Variants in CAT observed in about 807,000 individuals in gnomAD.
CAT encodes catalase, also known as epididymis secretory sperm binding protein.
CAT carries 43 observed loss-of-function variants against 59.0 expected under a neutral mutation model. The observed-to-expected ratio is 0.73, with a 90% CI of 0.57 to 0.94. The LOEUF (loss-of-function observed/expected upper bound fraction) is 0.94, where lower values mean the gene tolerates loss of function less well. CAT is among the 40% of genes least tolerant of loss of function. CAT has a pLI of 0.00. For missense variants in CAT, 664 were observed against 682.9 expected, an observed-to-expected ratio of 0.97 and a Z score of 0.31; for synonymous variants, 218 against 230.9, an observed-to-expected ratio of 0.94 and a Z score of 0.51.
At chr11:34,461,448 G>C (rs1856650826) in intron 9 of CAT, 59 bp downstream of exon 9, 1 of 1,599,592 alleles carries the variant, frequency 6.3e-7, no homozygotes. Flanking sequence ...GAGCAGATGG[G>C]CGGGAGGCCA....
rs560898269 is a variant in CAT, at chr11:34,462,644, T to C, written c.1195+1255T>C. 3.3e-5 allele frequency among the ~76,000 whole-genome samples: 5 copies of C among 152,230 alleles called. No individual in the cohort carries two copies. In the South Asian group the frequency reaches 1.0e-3, roughly 32 times the overall value. On this transcript the variant is annotated intron_variant, in intron 9 of 12. Transcript: ENST00000241052. ...CATTGGCCAGGCTGGTCCTGAACTC[T>C]TGACCTCAGGTGACCCACCCACTTT... is the stretch of plus-strand genomic sequence containing the variant.
chr11:34,465,900 A>C (rs1856709790), intron 10 of CAT, among the ~76,000 whole-genome samples: 1 of 152,216 alleles, frequency 6.6e-6, no homozygotes, highest in African/African-American at 2.4e-5. Context: ...ACCAAGATCA[A>C]AGATGGAAAA....
Position 34,464,398 on chromosome 11 carries a change from A to G in CAT, c.1326+163A>G, listed in dbSNP as rs1054497847. Among the ~76,000 whole-genome samples the G allele has an allele frequency of 7.9e-5, 12 of 152,090 alleles. No individual in the cohort carries two copies. In the South Asian group the frequency reaches 2.5e-3, roughly 32 times the overall value. ...GTAAATTGGGCCCCTTACTGGGTGG[A>G]GTTGAAGGGTTATATTACTCTGGTC... On this transcript the variant is annotated intron_variant, in intron 10 of 12. Transcript: ENST00000241052.
At chr11:34,444,540 A>G (rs1408970893) in intron 1 of CAT, among the ~76,000 whole-genome samples, 1 of 152,190 alleles carries the variant, frequency 6.6e-6, no homozygotes, top group Middle Eastern at 3.2e-3. Flanking sequence ...TCTTTGTTGA[A>G]TAAATGGAGA....
At chr11:34,448,077 C>G (rs573268959) in intron 1 of CAT, among the ~76,000 whole-genome samples, 8 of 152,180 alleles carry the variant, frequency 5.3e-5, no homozygotes, top group African/African-American at 1.9e-4. Flanking sequence ...TTTTTTCAAA[C>G]AGCTCACAGA....
chr11:34,453,711 G>T, intron 5 of CAT, 90 bp from the exon 6 acceptor site: 1 of 1,225,224 alleles, frequency 8.2e-7, no homozygotes, highest in Non-Finnish European at 1.2e-6. Flanking sequence ...TGTCATTAAG[G>T]GACTTTCTGG....
Position 34,464,244 on chromosome 11 carries a change from T to G in CAT, c.1326+9T>G. Reference sequence around the variant, plus strand: ...ATGATAACGTTACTCAGGTAATGACTTCTCTTTATCTGCTATGGAAGTCAC... The same window carrying G: ...ATGATAACGTTACTCAGGTAATGACGTCTCTTTATCTGCTATGGAAGTCAC... On this transcript the variant is annotated intron_variant, in intron 10 of 12. Transcript: ENST00000241052. The G allele has an allele frequency of 4.3e-6, 7 of 1,613,570 alleles. No individual in the cohort carries two copies. Among genetic ancestry groups the G allele is most frequent in the Non-Finnish European group, 5.9e-6 (7 of 1,179,490 alleles).
At chr11:34,441,645 G>A (rs1234763986) in intron 1 of CAT, among the ~76,000 whole-genome samples, 2 of 152,066 alleles carry the variant, frequency 1.3e-5, no homozygotes. Flanking sequence ...AATAAAAGAA[G>A]TAGCCAGACA....
chr11:34,447,303 T>C (rs1199856863), intron 1 of CAT, among the ~76,000 whole-genome samples: 2 of 152,146 alleles, frequency 1.3e-5, no homozygotes, highest in African/African-American at 4.8e-5. Context: ...TTTAAAAAGC[T>C]CCTCAGGTGA....
intron 1 of CAT, among the ~76,000 whole-genome samples, chr11:34,439,805 C>T (rs1049968254): frequency 2.0e-5 from 3 of 152,062 alleles, no homozygotes; most frequent in Admixed American, 6.6e-5. Flanking sequence ...GTCTGGGAGA[C>T]GAGACACATA....
chr11:34,450,957 A>G (rs1365228633), intron 2 of CAT, 31 bp from the exon 3 acceptor site: 1 of 1,416,626 alleles, frequency 7.1e-7, no homozygotes, highest in African/African-American at 1.4e-5. Flanking sequence ...TAATGGTCTC[A>G]TGGTAAGGAT....
At chr11:34,462,378 G>C (rs1856661585) in intron 9 of CAT, among the ~76,000 whole-genome samples, 1 of 152,018 alleles carries the variant, frequency 6.6e-6, no homozygotes, top group Non-Finnish European at 1.5e-5. Context: ...TTCCCATATA[G>C]TCCCAACACC....
At position 34,464,207 on chromosome 11, in the gene CAT, A is replaced by G. The variant is rs200213411; in HGVS notation, c.1298A>G (p.Asn433Ser). ...TATTCTGGAGAAGTGCGGAGATTCA[A>G]CACTGCCAATGATGATAACGTTACT... ...IQYSGEVRRF[N>S]TANDDNVTQV... Residue 433 changes from asparagine (N) to serine (S), a missense_variant, in exon 10 of 13, where the codon AAC (asparagine) becomes AGC (serine). Coordinates refer to ENST00000241052, the MANE Select transcript of CAT (RefSeq NM_001752.4). 154 of 1,613,944 alleles carry G rather than the reference A, an allele frequency of 9.5e-5. 1 individual carries two copies. In the South Asian group the frequency reaches 1.6e-3, roughly 17 times the overall value.
intron 1 of CAT, among the ~76,000 whole-genome samples, chr11:34,448,465 C>G (rs1182977072): frequency 1.3e-5 from 2 of 152,178 alleles, no homozygotes; most frequent in Non-Finnish European, 2.9e-5. Flanking sequence ...GAATGCCGCT[C>G]TAACCCTAGA....
chr11:34,441,422 T>C (rs573311710), intron 1 of CAT, among the ~76,000 whole-genome samples: 59 of 152,350 alleles, frequency 3.9e-4, no homozygotes, highest in African/African-American at 1.4e-3. Flanking sequence ...CTGAGTAAGA[T>C]TCCATTATTT....
chr11:34,466,794 A>G (rs1856724234), intron 10 of CAT, among the ~76,000 whole-genome samples: 1 of 150,518 alleles, frequency 6.6e-6, no homozygotes, highest in Admixed American at 6.6e-5. Context: ...AAAAAAAAAA[A>G]AAAAAAAAAA....
At chr11:34,464,029 C>G in intron 9 of CAT, 76 bp from the exon 10 acceptor site, 2 of 1,427,270 alleles carry the variant, frequency 1.4e-6, no homozygotes, top group South Asian at 2.3e-5. Context: ...GAATTTATTT[C>G]TCATCACAGT....
chr11:34,457,813 A>G (rs1437954976), intron 8 of CAT, among the ~76,000 whole-genome samples: 2 of 152,248 alleles, frequency 1.3e-5, no homozygotes, highest in African/African-American at 4.8e-5. Flanking sequence ...ATTGTACCCT[A>G]AATCAGACCA....
chr11:34,457,303 C>T (rs1239226592), intron 8 of CAT, among the ~76,000 whole-genome samples: 2 of 148,686 alleles, frequency 1.3e-5, no homozygotes, highest in East Asian at 2.0e-4. Context: ...ACCTCCGCCT[C>T]CCAGGTTCAA....
Sources: gnomAD v4.1 joint callset for allele counts (sites outside exome capture counted in the v4.1 genomes callset) on GRCh38, gnomAD v4.1.1 for gene constraint, MANE v1.5 for transcripts, NCBI Gene and HGNC (gene_info 2026-07-23, HGNC 2026-07-21) for gene names.